Variants in PPFIA2 observed in about 807,000 individuals in gnomAD.
The protein encoded by PPFIA2 is PPFI scaffold protein A2, also known as liprin-alpha-2.
A neutral mutation model predicts 175.5 loss-of-function variants in PPFIA2; 46 were observed. The observed-to-expected ratio is 0.26, with a 90% confidence interval of 0.21 to 0.34. The LOEUF (loss-of-function observed/expected upper bound fraction) is 0.34, where lower values mean the gene tolerates loss of function less well. Among genes scored for constraint, PPFIA2 ranks in the 10% least tolerant of loss-of-function variants. The pLI, the probability that PPFIA2 is intolerant of heterozygous loss-of-function variation, is 1.00. For missense variants in PPFIA2, 1,179 were observed against 1,506.1 expected, an observed-to-expected ratio of 0.78 and a Z score of 3.60; for synonymous variants, 568 against 511.4, an observed-to-expected ratio of 1.11 and a Z score of -1.49.
At chr12:81,455,818 T>C (rs554517887) in intron 5 of PPFIA2, among the ~76,000 whole-genome samples, 8 of 152,198 alleles carry the variant, frequency 5.3e-5, no homozygotes, top group Non-Finnish European at 8.8e-5. Context: ...CTGCCTTACC[T>C]TTCAAATTCA....
At chr12:81,387,912 C>T (rs752400557) in intron 8 of PPFIA2, among the ~76,000 whole-genome samples, 1 of 152,074 alleles carries the variant, frequency 6.6e-6, no homozygotes, top group South Asian at 2.1e-4. Context: ...GAGAAATGTT[C>T]AGCTCTGATC....
At position 81,318,976 on chromosome 12, in the gene PPFIA2, A is replaced by C. The variant is rs1439520518; in HGVS notation, c.2642+6801T>G. ...TTTCATGTTCTATTAATATTAATCC[A>C]GGATTTACATCAATTAAGATAAATA... On this transcript the variant is annotated intron_variant, in intron 22 of 32. Transcript: ENST00000549396. 2.6e-5 allele frequency among the ~76,000 whole-genome samples: 4 copies of C among 151,750 alleles called. No individual in the cohort carries two copies. In the East Asian group the frequency reaches 7.7e-4, roughly 29 times the overall value.
intron 4 of PPFIA2, among the ~76,000 whole-genome samples, chr12:81,478,848 A>G (rs868679311): frequency 1.3e-5 from 2 of 152,078 alleles, no homozygotes; most frequent in Non-Finnish European, 2.9e-5. Context: ...TATGTGGTCA[A>G]TTTTAGAATA....
At chr12:81,440,108 A>G in intron 6 of PPFIA2, 62 bp from the exon 7 acceptor site, 1 of 1,226,132 alleles carries the variant, frequency 8.2e-7, no homozygotes, top group Middle Eastern at 1.9e-4. Context: ...ACTGTGCTGA[A>G]TCCATAATTA....
At chr12:81,455,870 C>T (rs945257216) in intron 5 of PPFIA2, among the ~76,000 whole-genome samples, 23 of 152,154 alleles carry the variant, frequency 1.5e-4, no homozygotes, top group Admixed American at 1.4e-3. Flanking sequence ...GGCAAGTTAT[C>T]TGACCTTTTC....
At chr12:81,577,935 T>G (rs545888265) in intron 4 of PPFIA2, among the ~76,000 whole-genome samples, 3 of 151,866 alleles carry the variant, frequency 2.0e-5, no homozygotes, top group Admixed American at 1.3e-4. Flanking sequence ...GGTCCAACCT[T>G]GGGATCTCTC....
chr12:81,753,942 T>C (rs761179585), intron 3 of PPFIA2, 31 bp downstream of exon 3: 16 of 1,609,304 alleles, frequency 9.9e-6, no homozygotes, highest in Non-Finnish European at 1.2e-5. Flanking sequence ...TCAATTACAA[T>C]AGGAGAAACA....
Position 81,288,199 on chromosome 12 carries a change from A to T in PPFIA2, c.2926-3896T>A, listed in dbSNP as rs117274802. 2.5e-3 allele frequency among the ~76,000 whole-genome samples: 382 copies of T among 151,992 alleles called. 1 individual carries two copies. Among genetic ancestry groups the T allele is most frequent in the Non-Finnish European group, 3.9e-3 (263 of 67,832 alleles). ...AAGTGGGACTAAAAGTGCATGCTCC[A>T]GAATAGAAAGAAACACTAAAAAGTT... On this transcript the variant is annotated intron_variant, in intron 24 of 32. Coordinates refer to ENST00000549396, the MANE Select transcript of PPFIA2 (RefSeq NM_003625.5).
intron 30 of PPFIA2, 118 bp from the exon 31 acceptor site, chr12:81,263,508 G>A (rs755749546): frequency 1.2e-4 from 102 of 824,882 alleles, no homozygotes; most frequent in African/African-American, 1.2e-3. Flanking sequence ...TCAAGTATAC[G>A]TATGGAATCA....
At chr12:81,605,691 C>CTATA (rs764128222) in intron 4 of PPFIA2, among the ~76,000 whole-genome samples, 27 of 145,028 alleles carry the variant, frequency 1.9e-4, no homozygotes, top group Non-Finnish European at 3.4e-4. Context: ...ATCTATCTAT[C>CTATA]TAATCTGTCT....
chr12:81,549,875 A>G (rs2067610513), intron 4 of PPFIA2, among the ~76,000 whole-genome samples: 1 of 151,810 alleles, frequency 6.6e-6, no homozygotes, highest in South Asian at 2.1e-4. Flanking sequence ...CAATTAACAT[A>G]TTATATGAAG....
At chr12:81,387,241 T>C (rs1476306315) in intron 8 of PPFIA2, among the ~76,000 whole-genome samples, 1 of 152,206 alleles carries the variant, frequency 6.6e-6, no homozygotes, top group Non-Finnish European at 1.5e-5. Context: ...CTACCATTTT[T>C]ATTAGCTTTT....
At chr12:81,663,429 C>G (rs1210396144) in intron 4 of PPFIA2, among the ~76,000 whole-genome samples, 4 of 152,198 alleles carry the variant, frequency 2.6e-5, no homozygotes, top group Non-Finnish European at 4.4e-5. Context: ...TGAGTGAACT[C>G]CCATTCACAA....
chr12:81,554,379 CTCAGGGACAACTGGA>C (rs2068475346), intron 4 of PPFIA2, among the ~76,000 whole-genome samples: 1 of 151,986 alleles, frequency 6.6e-6, no homozygotes, highest in Non-Finnish European at 1.5e-5. Context: ...GTGTCTGGGT[CTCAGGGACAACTGGA>C]ACTGGGAACC....
intron 4 of PPFIA2, among the ~76,000 whole-genome samples, chr12:81,606,489 C>T (rs1391704521): frequency 2.0e-5 from 3 of 151,958 alleles, no homozygotes; most frequent in Admixed American, 6.6e-5. Context: ...CTATTGTTTC[C>T]TGGCTTTGTA....
At chr12:81,560,652 T>C (rs1594947622) in intron 4 of PPFIA2, among the ~76,000 whole-genome samples, 3 of 152,150 alleles carry the variant, frequency 2.0e-5, no homozygotes, top group African/African-American at 7.2e-5. Flanking sequence ...CTTAAATGTG[T>C]TCAAAAATTT....
chr12:81,352,031 T>G (rs931495321), intron 17 of PPFIA2, among the ~76,000 whole-genome samples: 1 of 152,148 alleles, frequency 6.6e-6, no homozygotes. Context: ...TTTTCTCAAG[T>G]GTTCCAGGCA....
At chr12:81,267,787 C>A in intron 29 of PPFIA2, 125 bp downstream of exon 29, 1 of 653,690 alleles carries the variant, frequency 1.5e-6, no homozygotes, top group East Asian at 4.9e-5. Context: ...ACCCCAGTGA[C>A]ATATTTCAAA....
intron 22 of PPFIA2, among the ~76,000 whole-genome samples, chr12:81,323,226 C>G (rs559366684): frequency 4.4e-4 from 67 of 151,850 alleles, no homozygotes; most frequent in African/African-American, 1.6e-3. Flanking sequence ...AAGATATTGT[C>G]TAGTTCTGGC....
Sources: gnomAD v4.1 joint callset for allele counts (sites outside exome capture counted in the v4.1 genomes callset) on GRCh38, gnomAD v4.1.1 for gene constraint, MANE v1.5 for transcripts, NCBI Gene and HGNC (gene_info 2026-07-23, HGNC 2026-07-21) for gene names.